Variants in FANCI observed in about 807,000 individuals in gnomAD.
FANCI encodes FA complementation group I.
FANCI carries 156 observed loss-of-function variants against 176.1 expected under a neutral mutation model. The ratio of observed to expected loss-of-function variants is 0.89; its 90% CI spans 0.78 to 1.01. FANCI has a LOEUF of 1.01. Ranked by LOEUF, FANCI falls within the 50% of genes least tolerant of loss-of-function variation. The probability of loss-of-function intolerance (pLI) is 0.00; values close to 1 mark genes in which losing one functional copy is unlikely to be tolerated. For missense variants in FANCI, 1,678 were observed against 1,534.1 expected (o/e 1.09, Z -1.57); for synonymous variants, 613 against 541.7 (o/e 1.13, Z -1.83).
chr15:89,263,437 A>C lies in FANCI; in HGVS notation c.522A>C (p.Val174=). ...LCSGRWDQQY[V]IQLTSMFKDV... is the part of the protein sequence containing the mutation. Reference sequence around the variant, plus strand: ...CTACCAGGTGGGATCAGCAATATGTAATCCAACTCACCTCCATGTTCAAGT... The same window carrying C: ...CTACCAGGTGGGATCAGCAATATGTCATCCAACTCACCTCCATGTTCAAGT... The change falls in exon 7 of 38, where the codon GTA becomes GTC. Residue 174 remains valine (V), a synonymous_variant. Transcript: ENST00000310775. 6.2e-7 allele frequency: 1 copy of C among 1,612,938 alleles called. No homozygotes were observed. The highest frequency in any genetic ancestry group is 1.1e-5 in the South Asian group (1 of 91,054).
rs2053062704 is a variant in FANCI at position 89,268,418 on chromosome 15, G to A, written c.775G>A (p.Val259Met). 1 of 1,614,160 alleles carries A rather than the reference G, an allele frequency of 6.2e-7. No homozygotes were observed. The highest frequency in any genetic ancestry group is 8.5e-7 in the Non-Finnish European group (1 of 1,180,020). Residue 259 changes from valine (V) to methionine (M), a missense_variant, in exon 10 of 38, where the codon GTG (valine) becomes ATG (methionine). Transcript: ENST00000310775. The stretch of plus-strand genomic sequence containing the variant: ...TTTTAGGCTATTGGATGTTGTCACT[G>A]TGCCATCAGGTGAACTTCGTCATGT... ...SGDELLDVVT[V>M]PSGELRHVEG...
chr15:89,281,442 G>T (rs1424250998), intron 15 of FANCI, 142 bp downstream of exon 15: 3 of 1,038,054 alleles, frequency 2.9e-6, no homozygotes, highest in African/African-American at 1.6e-5. Flanking sequence ...CATTAAAAGG[G>T]CAAGAGCATT....
chr15:89,316,619 G>T lies in FANCI; in HGVS notation c.*160G>T. On this transcript the variant is annotated 3_prime_UTR_variant, in exon 38 of 38. Coordinates refer to ENST00000310775, the MANE Select transcript of FANCI (RefSeq NM_001113378.2). Reference sequence around the variant, plus strand: ...TCAGTTAGAAGGAATCTTCTTGGCAGGTCCTGCTACTGAAAAATGGCTGGC... The same window carrying T: ...TCAGTTAGAAGGAATCTTCTTGGCATGTCCTGCTACTGAAAAATGGCTGGC... The T allele has an allele frequency of 1.8e-6, 2 of 1,109,258 alleles. No individual in the cohort carries two copies. The highest frequency in any genetic ancestry group is 4.9e-5 in the East Asian group (2 of 41,160). 68.7% of individuals were successfully genotyped at this position (1,109,258 alleles called of 1,614,324 possible).
chr15:89,311,113 G>T (rs1444768767), intron 34 of FANCI, among the ~76,000 whole-genome samples: 1 of 152,090 alleles, frequency 6.6e-6, no homozygotes, highest in Non-Finnish European at 1.5e-5. Context: ...ACAAAAATTA[G>T]CTGGGCATGG....
At chr15:89,298,924 CTT>C (rs2054419776) in intron 24 of FANCI, among the ~76,000 whole-genome samples, 1 of 152,114 alleles carries the variant, frequency 6.6e-6, no homozygotes, top group Admixed American at 6.6e-5. Flanking sequence ...AATCCCAGCA[CTT>C]TTGGGAGGCC....
intron 36 of FANCI, 142 bp from the exon 37 acceptor site, chr15:89,315,140 C>A: frequency 4.3e-6 from 3 of 704,884 alleles, no homozygotes; most frequent in Non-Finnish European, 7.8e-6. Context: ...TGACCTGAAC[C>A]CCAGCATACA....
intron 24 of FANCI, among the ~76,000 whole-genome samples, chr15:89,295,927 C>G (rs922068750): frequency 1.3e-5 from 2 of 152,020 alleles, no homozygotes; most frequent in Non-Finnish European, 2.9e-5. Context: ...GTGCACACCA[C>G]CATGCCCAAC....
chr15:89,287,161 A>G (rs1209105211), intron 18 of FANCI, among the ~76,000 whole-genome samples: 1 of 151,730 alleles, frequency 6.6e-6, no homozygotes, highest in African/African-American at 2.4e-5. Context: ...TTTAGTAGAG[A>G]CTGGGGTTTC....
chr15:89,310,017 A>G (rs183697415), intron 34 of FANCI, among the ~76,000 whole-genome samples: 278 of 152,294 alleles, frequency 1.8e-3, no homozygotes, highest in African/African-American at 6.4e-3. Flanking sequence ...ATAGGTTATG[A>G]TTAGTAGTTA....
intron 1 of FANCI, chr15:89,245,316 G>C (rs1449301241): frequency 7.0e-6 from 1 of 143,396 alleles, no homozygotes; most frequent in African/African-American, 2.6e-5. Flanking sequence ...CTACAGGTGC[G>C]TGCCGTCACG....
At chr15:89,317,143 T>C, downstream of FANCI, 1 of 601,674 alleles carries the variant, frequency 1.7e-6, no homozygotes, top group South Asian at 2.0e-5. Flanking sequence ...CTTCTGTGGT[T>C]GAAGTAGGGG....
intron 19 of FANCI, chr15:89,290,524 A>G: frequency 2.0e-6 from 1 of 499,416 alleles, no homozygotes. Flanking sequence ...CCTAAGTCAG[A>G]AGGACATTTT....
rs746075209 is a variant in FANCI at position 89,261,590 on chromosome 15, C to T, written c.294C>T (p.His98=). 9 of 1,613,960 alleles carry T rather than the reference C, an allele frequency of 5.6e-6. No individual in the cohort carries two copies. Among genetic ancestry groups the T allele is most frequent in the South Asian group, 5.5e-5 (5 of 91,076 alleles). ...TTTATCCTGTGAACTTTTAGGCTCA[C>T]CATTTTCCAGGACCATTATTGGTTG... ...EIIGLLMLEA[H]HFPGPLLVEL... is the part of the protein sequence containing the mutation. The change falls in exon 5 of 38, where the codon CAC becomes CAT. Residue 98 remains histidine (H), a synonymous_variant. Transcript: ENST00000310775.
chr15:89,313,064 G>A, intron 35 of FANCI, 92 bp downstream of exon 35: 1 of 1,197,612 alleles, frequency 8.3e-7, no homozygotes, highest in Non-Finnish European at 1.2e-6. Flanking sequence ...ACCACGTGTT[G>A]TATGATTCCA....
At chr15:89,247,206 A>G (rs1460001873) in intron 1 of FANCI, among the ~76,000 whole-genome samples, 1 of 151,940 alleles carries the variant, frequency 6.6e-6, no homozygotes, top group South Asian at 2.1e-4. Flanking sequence ...TAATTGGCAC[A>G]TAGCATTTAT....
Position 89,301,311 on chromosome 15 carries a change from G to A in FANCI, c.2890-15G>A, listed in dbSNP as rs984138215. 6.4e-7 allele frequency: 1 copy of A among 1,561,376 alleles called. No individual in the cohort carries two copies. Among genetic ancestry groups the A allele is most frequent in the Admixed American group, 1.7e-5 (1 of 59,984 alleles). On this transcript the variant is annotated splice_polypyrimidine_tract_variant and intron_variant, in intron 26 of 37. Coordinates refer to ENST00000310775, the MANE Select transcript of FANCI (RefSeq NM_001113378.2). ...TCTGCTAACATTGCTTGCTGTGTGTGCCTTCCTTTCTCAGAGGTCCTTGTT... is the reference window on the plus strand; with the variant it reads ...TCTGCTAACATTGCTTGCTGTGTGTACCTTCCTTTCTCAGAGGTCCTTGTT...
chr15:89,293,767 A>T (rs909708029), intron 22 of FANCI, 66 bp from the exon 23 acceptor site: 1 of 1,401,498 alleles, frequency 7.1e-7, no homozygotes, highest in Admixed American at 1.7e-5. Flanking sequence ...GATTATTATC[A>T]TATGTAAAAG....
chr15:89,252,037 C>T (rs1316680855), intron 2 of FANCI, among the ~76,000 whole-genome samples: 1 of 152,208 alleles, frequency 6.6e-6, no homozygotes. Context: ...CAGTGGCTCA[C>T]ACCCATAATC....
Position 89,305,690 on chromosome 15 carries a change from C to A in FANCI, c.3341C>A (p.Thr1114Asn). 2 of 1,614,030 alleles carry A rather than the reference C, an allele frequency of 1.2e-6. No homozygotes were observed. The highest frequency in any genetic ancestry group is 1.7e-6 in the Non-Finnish European group (2 of 1,179,926). The change falls in exon 31 of 38, where the codon ACC (threonine) becomes AAC (asparagine). Residue 1114 changes from threonine to asparagine, a missense_variant. By Grantham distance (65) the Thr-to-Asn change is moderately conservative (BLOSUM62 0). Transcript: ENST00000310775. The part of the protein sequence containing the change: ...TKLKGQVSQE[T>N]LSEEASSQAT... ...CTTAAGGGACAAGTGAGCCAAGAAA[C>A]CTTATCAGGTAAGATAAGTTCAACT...
Sources: allele counts gnomAD v4.1 joint callset (sites outside exome capture counted in the v4.1 genomes callset), GRCh38; gene constraint gnomAD v4.1.1; transcripts MANE v1.5; gene names NCBI Gene and HGNC (gene_info 2026-07-23, HGNC 2026-07-21).